FDFT1: variants seen among roughly 807,000 people sequenced by gnomAD.
FDFT1 encodes the protein farnesyl-diphosphate farnesyltransferase 1, also known as squalene synthase.
A neutral mutation model predicts 46.8 loss-of-function variants in FDFT1; 68 were observed. The ratio of observed to expected loss-of-function variants is 1.45; its 90% confidence interval spans 1.19 to 1.78. The LOEUF (loss-of-function observed/expected upper bound fraction) is 1.78, where lower values mean the gene tolerates loss of function less well. Ranked by LOEUF, FDFT1 falls within the 40% of genes most tolerant of loss-of-function variation. The pLI, the probability that FDFT1 is intolerant of heterozygous loss-of-function variation, is 0.00. For synonymous variants in FDFT1, 351 were observed against 185.1 expected, an observed-to-expected ratio of 1.90 and a Z score of -7.28; for missense variants, 928 against 524.4, an observed-to-expected ratio of 1.77 and a Z score of -7.52.
rs1046214777 is a variant in FDFT1, at chr8:11,838,529, C to G, written c.1174C>G (p.Leu392Val). 4.3e-6 allele frequency: 7 copies of G among 1,610,036 alleles called. No individual in the cohort carries two copies. The highest frequency in any genetic ancestry group is 5.9e-6 in the Non-Finnish European group (7 of 1,178,040). The change falls in exon 8 of 8, where the codon CTT becomes GTT. Residue 392 changes from leucine to valine, a missense_variant. Coordinates refer to ENST00000220584, the MANE Select transcript of FDFT1 (RefSeq NM_004462.5). Reference protein sequence around the residue: ...YSPIYLSFVMLLAALSWQYLT... With the variant: ...YSPIYLSFVMVLAALSWQYLT... ...CCCCATCTACCTGTCGTTTGTCATG[C>G]TTTTGGCTGCCCTGAGCTGGCAGTA...
At chr8:11,832,576 A>AAAAAAAAAAAAAAT (rs139242873) in intron 7 of FDFT1, among the ~76,000 whole-genome samples, 2 of 134,888 alleles carry the variant, frequency 1.5e-5, no homozygotes, top group Non-Finnish European at 3.1e-5. Context: ...AAAAAAAAAA[A>AAAAAAAAAAAAAAT]GTCTTAGAGA....
At chr8:11,832,361 C>T (rs1212476000) in intron 7 of FDFT1, among the ~76,000 whole-genome samples, 4 of 151,694 alleles carry the variant, frequency 2.6e-5, no homozygotes, top group African/African-American at 9.7e-5. Context: ...TCAAGACCAG[C>T]CCGGGCGACA....
At position 11,808,796 on chromosome 8, in the gene FDFT1, C is replaced by G. The variant is rs1402042820; in HGVS notation, c.102C>G (p.Asp34Glu). The G allele has an allele frequency of 1.9e-6, 3 of 1,613,812 alleles. No homozygotes were observed. The highest frequency in any genetic ancestry group is 2.5e-6 in the Non-Finnish European group (3 of 1,179,928). ...KRKVMPKMDQDSLSSSLKTCY... is the reference protein window; with the variant it reads ...KRKVMPKMDQESLSSSLKTCY... ...CCGTGTGTGTTGTCTGCCCGCAGGA[C>G]TCGCTCAGCAGCAGCCTGAAAACTT... The change falls in exon 2 of 8, where the codon GAC becomes GAG. Residue 34 changes from aspartate to glutamate, a missense_variant and splice_region_variant. Physicochemically the swap from Asp to Glu is conservative, Grantham distance 45 (BLOSUM62 2). Coordinates refer to ENST00000220584, the MANE Select transcript of FDFT1 (RefSeq NM_004462.5).
rs1039788264 is a variant in FDFT1 at position 11,809,055 on chromosome 8, C to T, written c.197+164C>T. Reference sequence around the variant, plus strand: ...ACGTGTTTACTTTAGAAAGCCCTTCCAGGCTCTTTGCCATCTAGTAGAGTC... The same window carrying T: ...ACGTGTTTACTTTAGAAAGCCCTTCTAGGCTCTTTGCCATCTAGTAGAGTC... On this transcript the variant is annotated intron_variant, in intron 2 of 7. Transcript: ENST00000220584. 3.5e-5 allele frequency: 47 copies of T among 1,343,338 alleles called. No individual in the cohort carries two copies. In the African/African-American group the frequency reaches 5.5e-4, roughly 16 times the overall value. The allele number at this position is 1,343,338 out of a possible 1,614,324, so 83.2% of individuals were successfully genotyped here. A position where few individuals can be genotyped will look rare whatever the true frequency, so the allele number is the denominator to read the frequency against.
intron 4 of FDFT1, among the ~76,000 whole-genome samples, chr8:11,824,236 A>G (rs1362391657): frequency 6.6e-6 from 1 of 152,150 alleles, no homozygotes; most frequent in Admixed American, 6.5e-5. Context: ...CTAATAGACA[A>G]TTATTGTATG....
At chr8:11,822,766 T>G (rs1436914402) in intron 4 of FDFT1, among the ~76,000 whole-genome samples, 1 of 152,156 alleles carries the variant, frequency 6.6e-6, no homozygotes. Flanking sequence ...CAGTGAGCCA[T>G]GATTGTGCCA....
rs1811821139 is a variant in FDFT1, at chr8:11,838,318, GGTT to G, written c.1033-64_1033-62del. ...GGGTATAAAATACCTGCCAGTGGAG[GGTT>G]GTTGTAAGTAGCCATGGAAAATGTA... On this transcript the variant is annotated intron_variant, in intron 7 of 7. Transcript: ENST00000220584. The G allele has an allele frequency of 2.5e-6, 3 of 1,179,870 alleles. No homozygotes were observed. In the African/African-American group the frequency reaches 4.5e-5, roughly 18 times the overall value. The allele number at this position is 1,179,870 out of a possible 1,614,324, so 73.1% of individuals were successfully genotyped here.
At chr8:11,806,386 C>A (rs140311318) in intron 1 of FDFT1, among the ~76,000 whole-genome samples, 2 of 152,178 alleles carry the variant, frequency 1.3e-5, no homozygotes, top group Non-Finnish European at 2.9e-5. Flanking sequence ...GTTGTGTCTT[C>A]CTGTTTTGTT....
At chr8:11,809,009 T>C in intron 2 of FDFT1, 118 bp downstream of exon 2, 3 of 1,457,930 alleles carry the variant, frequency 2.1e-6, no homozygotes, top group South Asian at 1.3e-5. Flanking sequence ...CTGTGGCTTA[T>C]CCAGAACATA....
chr8:11,821,302 G>A (rs1003919491), intron 3 of FDFT1, among the ~76,000 whole-genome samples: 2 of 152,194 alleles, frequency 1.3e-5, no homozygotes, highest in African/African-American at 2.4e-5. Context: ...GAAATAATAA[G>A]AAACATGAGG....
chr8:11,823,656 C>T (rs1183818915), intron 4 of FDFT1, among the ~76,000 whole-genome samples: 4 of 152,202 alleles, frequency 2.6e-5, no homozygotes, highest in Non-Finnish European at 4.4e-5. Context: ...CAGCCTTGAC[C>T]TTCTGGGCTC....
At chr8:11,808,546 C>T (rs1807213374) in intron 1 of FDFT1, 1 of 1,365,134 alleles carries the variant, frequency 7.3e-7, no homozygotes, top group Admixed American at 3.6e-5. Context: ...GGCACCAAGG[C>T]CATGGCCCTC....
At chr8:11,815,511 C>A (rs764770118) in intron 3 of FDFT1, among the ~76,000 whole-genome samples, 2 of 152,226 alleles carry the variant, frequency 1.3e-5, no homozygotes, top group Non-Finnish European at 2.9e-5. Context: ...TCCTGTTTCT[C>A]CACATCCTCT....
chr8:11,830,243 G>T lies in FDFT1; in HGVS notation c.703-1G>T. On this transcript the variant is annotated splice_acceptor_variant, in intron 5 of 7. Transcript: ENST00000220584. LOFTEE classifies it high-confidence loss of function. ...GTTCCTTAATCTTCTTATCTGTCTA[G>T]GTTTGGAGCAGGTATGTTAAGAAGT... 1.2e-6 allele frequency: 2 copies of T among 1,612,664 alleles called. No homozygotes were observed. The highest frequency in any genetic ancestry group is 1.7e-6 in the Non-Finnish European group (2 of 1,178,696).
chr8:11,810,040 A>C (rs2130729645), intron 3 of FDFT1, 190 bp downstream of exon 3: 1 of 542,202 alleles, frequency 1.8e-6, no homozygotes. Flanking sequence ...CAAATCTCCC[A>C]CTTACTAAAC....
chr8:11,807,301 C>T (rs1377094110), intron 1 of FDFT1, among the ~76,000 whole-genome samples: 1 of 152,150 alleles, frequency 6.6e-6, no homozygotes, highest in Non-Finnish European at 1.5e-5. Flanking sequence ...TAGGTGGGCG[C>T]CACCACACCT....
At chr8:11,807,834 A>G (rs1585871527) in intron 1 of FDFT1, 1 of 152,268 alleles carries the variant, frequency 6.6e-6, no homozygotes, top group Non-Finnish European at 1.5e-5. Flanking sequence ...CCAGGGTTGG[A>G]CAGTGGTAGT....
At position 11,808,177 on chromosome 8, in the gene FDFT1, T is replaced by A. The variant is rs1807117993; in HGVS notation, c.100-617T>A. 3.5e-6 allele frequency: 3 copies of A among 858,444 alleles called. 1 individual carries two copies. The South Asian group carries it at 1.7e-4, about 48-fold the overall frequency. 53.2% of individuals were successfully genotyped at this position (858,444 alleles called of 1,614,324 possible). ...CTGGGCGATGCAAAGACAGATGCGT[T>A]GAGTACAAAGTCCAGGCCTTATTGG... On this transcript the variant is annotated intron_variant, in intron 1 of 7. Coordinates refer to ENST00000220584, the MANE Select transcript of FDFT1 (RefSeq NM_004462.5).
chr8:11,823,581 C>CTT (rs954964448), intron 4 of FDFT1, among the ~76,000 whole-genome samples: 2 of 146,426 alleles, frequency 1.4e-5, no homozygotes, highest in South Asian at 2.1e-4. Context: ...TCAGAGACGA[C>CTT]TTTTTTTTTT....
Sources: allele counts gnomAD v4.1 joint callset (sites outside exome capture counted in the v4.1 genomes callset), GRCh38; gene constraint gnomAD v4.1.1; transcripts MANE v1.5; gene names NCBI Gene and HGNC (gene_info 2026-07-23, HGNC 2026-07-21).